Variants in CACNA2D3 observed in about 807,000 individuals in gnomAD.
CACNA2D3 encodes the protein voltage-dependent calcium channel subunit alpha-2/delta-3.
Under a neutral mutation model 160.6 loss-of-function variants are expected in CACNA2D3, and 60 were observed. The observed-to-expected ratio is 0.37, with a 90% CI of 0.30 to 0.46. The LOEUF (loss-of-function observed/expected upper bound fraction) is 0.46. Among genes scored for constraint, CACNA2D3 ranks in the 20% least tolerant of loss-of-function variants. The pLI is 1.00. For synonymous variants in CACNA2D3, 558 were observed against 492.9 expected (o/e 1.13, Z -1.75); for missense variants, 1,205 against 1,365.0 (o/e 0.88, Z 1.85).
At chr3:54,521,048 A>G (rs923382974) in intron 5 of CACNA2D3, among the ~76,000 whole-genome samples, 1 of 151,972 alleles carries the variant, frequency 6.6e-6, no homozygotes, top group Non-Finnish European at 1.5e-5. Flanking sequence ...CTTTTTGTCT[A>G]TTATGAATAA....
intron 2 of CACNA2D3, among the ~76,000 whole-genome samples, chr3:54,207,422 C>G (rs979633414): frequency 2.8e-5 from 4 of 144,506 alleles, no homozygotes; most frequent in African/African-American, 1.1e-4. Context: ...CCACTGTAAT[C>G]CGGGTGGATA....
intron 11 of CACNA2D3, among the ~76,000 whole-genome samples, chr3:54,719,968 T>A (rs1026610706): frequency 9.9e-5 from 15 of 152,110 alleles, no homozygotes; most frequent in African/African-American, 3.6e-4. Flanking sequence ...CTTTTTCACA[T>A]GTAAAAGATC....
intron 2 of CACNA2D3, among the ~76,000 whole-genome samples, chr3:54,261,399 C>T (rs2107439619): frequency 6.6e-6 from 1 of 152,322 alleles, no homozygotes; most frequent in African/African-American, 2.4e-5. Context: ...TGTTTACTAT[C>T]TTCTTCCTCT....
intron 2 of CACNA2D3, among the ~76,000 whole-genome samples, chr3:54,182,963 A>T (rs1202597814): frequency 2.0e-5 from 3 of 152,220 alleles, no homozygotes; most frequent in Non-Finnish European, 4.4e-5. Context: ...GCACATTATG[A>T]CATTTCTTTA....
At position 54,809,311 on chromosome 3, in the gene CACNA2D3, C is replaced by CTTTTTTTTTTTTTTTTT. The variant is rs1217898723; in HGVS notation, c.1381-7540_1381-7524dup. 1.8e-3 allele frequency among the ~76,000 whole-genome samples: 146 copies of CTTTTTTTTTTTTTTTTT among 80,710 alleles called. 9 individuals are homozygous for CTTTTTTTTTTTTTTTTT. The highest frequency in any genetic ancestry group is 5.4e-3 in the African/African-American group (91 of 16,818). The allele number at this position is 80,710 out of a possible 152,430, so 52.9% of individuals were successfully genotyped here. A position where few individuals can be genotyped will look rare whatever the true frequency, so the allele number is the denominator to read the frequency against. ...TCTTTCTTTCCTTCCTTCCTTCTTT[C>CTTTTTTTTTTTTTTTTT]TTTTTTTTTTTTTTTTTTGAGACGG... On this transcript the variant is annotated intron_variant, in intron 13 of 37. Transcript: ENST00000474759.
chr3:54,876,483 A>G (rs1053760168), intron 18 of CACNA2D3, among the ~76,000 whole-genome samples: 2 of 152,266 alleles, frequency 1.3e-5, no homozygotes, highest in Non-Finnish European at 2.9e-5. Context: ...AGAGTCTGCC[A>G]GGAAGTTAGG....
At chr3:54,817,374 C>CAAT (rs1703480084) in intron 14 of CACNA2D3, among the ~76,000 whole-genome samples, 1 of 152,144 alleles carries the variant, frequency 6.6e-6, no homozygotes, top group Admixed American at 6.6e-5. Context: ...GATTTCTTGC[C>CAAT]AATGGCCAGA....
intron 10 of CACNA2D3, chr3:54,637,830 G>C: frequency 6.6e-6 from 1 of 152,062 alleles, no homozygotes; most frequent in East Asian, 1.9e-4. Context: ...GCTGCCAGGT[G>C]AGTTGAACAG....
intron 2 of CACNA2D3, among the ~76,000 whole-genome samples, chr3:54,271,479 T>C (rs1433118686): frequency 5.3e-5 from 8 of 152,206 alleles, no homozygotes; most frequent in African/African-American, 7.2e-5. Context: ...TCTGAAATGA[T>C]AAATTATCAT....
At chr3:54,296,890 C>G (rs1475891207) in intron 2 of CACNA2D3, among the ~76,000 whole-genome samples, 1 of 152,172 alleles carries the variant, frequency 6.6e-6, no homozygotes, top group Non-Finnish European at 1.5e-5. Flanking sequence ...CCCTGATGTT[C>G]AAGCTGAGTT....
intron 3 of CACNA2D3, among the ~76,000 whole-genome samples, chr3:54,351,800 G>A (rs1400546953): frequency 6.6e-6 from 1 of 152,142 alleles, no homozygotes; most frequent in African/African-American, 2.4e-5. Flanking sequence ...ATCATTCCTT[G>A]CTCGGCTCTC....
chr3:55,036,405 C>T (rs1368392180), intron 35 of CACNA2D3, among the ~76,000 whole-genome samples: 1 of 152,008 alleles, frequency 6.6e-6, no homozygotes, highest in Non-Finnish European at 1.5e-5. Flanking sequence ...TGAGATTGCA[C>T]CAAGCCATAC....
In CACNA2D3 at chr3:54,667,947, CAAA is replaced by C. The variant is rs35673145; in HGVS notation, c.1167+25718_1167+25720del. The stretch of plus-strand genomic sequence containing the variant: ...GGGCGACAGAATGAGACCCCCATCT[CAAA>C]AAAAAAAAAAAGTCAAAATAGATAT... On this transcript the variant is annotated intron_variant, in intron 11 of 37. Coordinates refer to ENST00000474759, the MANE Select transcript of CACNA2D3 (RefSeq NM_018398.3). 2.1e-3 allele frequency among the ~76,000 whole-genome samples: 301 copies of C among 143,566 alleles called. 2 individuals carry two copies. In the South Asian group the frequency reaches 0.035, roughly 17 times the overall value. The allele number at this position is 143,566 out of a possible 152,430, so 94.2% of individuals were successfully genotyped here. A position where few individuals can be genotyped will look rare whatever the true frequency, so the allele number is the denominator to read the frequency against.
At chr3:54,417,641 C>A (rs572531175) in intron 4 of CACNA2D3, among the ~76,000 whole-genome samples, 1 of 152,282 alleles carries the variant, frequency 6.6e-6, no homozygotes, top group East Asian at 1.9e-4. Flanking sequence ...CCTACCCCCT[C>A]AAATAAATAT....
intron 17 of CACNA2D3, among the ~76,000 whole-genome samples, chr3:54,852,377 A>T (rs1369838253): frequency 6.6e-6 from 1 of 152,266 alleles, no homozygotes; most frequent in African/African-American, 2.4e-5. Context: ...GAACCTGAGC[A>T]CTTAGGTCAT....
chr3:55,026,116 C>T (rs1703559756), intron 35 of CACNA2D3, among the ~76,000 whole-genome samples: 1 of 152,220 alleles, frequency 6.6e-6, no homozygotes, highest in Admixed American at 6.5e-5. Context: ...CCCACACCTG[C>T]CCTCCTCTAA....
intron 4 of CACNA2D3, among the ~76,000 whole-genome samples, chr3:54,499,302 C>T (rs1401261736): frequency 6.6e-6 from 1 of 152,072 alleles, no homozygotes; most frequent in Non-Finnish European, 1.5e-5. Flanking sequence ...TCATGTACCC[C>T]TTCCCTTTGT....
intron 27 of CACNA2D3, chr3:54,967,225 C>A (rs1702174701): frequency 6.6e-6 from 1 of 152,192 alleles, no homozygotes; most frequent in Non-Finnish European, 1.5e-5. Flanking sequence ...CTGGCTTCAA[C>A]AATTTCTTTA....
chr3:54,698,787 T>C (rs372720372), intron 11 of CACNA2D3, among the ~76,000 whole-genome samples: 15 of 152,338 alleles, frequency 9.8e-5, no homozygotes, highest in African/African-American at 3.4e-4. Context: ...TCATATCTTA[T>C]GATGCATTTT....
Sources: gnomAD v4.1 joint callset for allele counts (sites outside exome capture counted in the v4.1 genomes callset) on GRCh38, gnomAD v4.1.1 for gene constraint, MANE v1.5 for transcripts, NCBI Gene and HGNC (gene_info 2026-07-23, HGNC 2026-07-21) for gene names.